The following NGEF variants were observed in gnomAD, a reference collection of about 807,000 sequenced individuals.
The protein encoded by NGEF is neuronal guanine nucleotide exchange factor.
A neutral mutation model predicts 80.9 loss-of-function variants in NGEF; 31 were observed. The ratio of observed to expected loss-of-function variants is 0.38; its 90% CI spans 0.29 to 0.52. The LOEUF is 0.52. Ranked by LOEUF, NGEF falls within the 20% of genes least tolerant of loss-of-function variation. The probability of loss-of-function intolerance (pLI) is 0.84; values close to 1 mark genes in which losing one functional copy is unlikely to be tolerated. For synonymous variants in NGEF, 371 were observed against 370.2 expected, an observed-to-expected ratio of 1.00 and a Z score of -0.03; for missense variants, 709 against 926.2, an observed-to-expected ratio of 0.77 and a Z score of 3.04.
chr2:232,897,145 G>A (rs1559197648), intron 5 of NGEF, among the ~76,000 whole-genome samples: 2 of 148,386 alleles, frequency 1.3e-5, no homozygotes, highest in Non-Finnish European at 3.0e-5. Flanking sequence ...GGAGGTGGGG[G>A]TCTGGCCCCT....
At chr2:232,977,427 G>C (rs1052759449) in intron 1 of NGEF, among the ~76,000 whole-genome samples, 3 of 152,156 alleles carry the variant, frequency 2.0e-5, no homozygotes. Context: ...GGGGGCTGAC[G>C]TCCCTGTCAC....
rs1049327711 is a variant in NGEF at position 232,878,777 on chromosome 2, G to A, written c.*712C>T. The A allele has an allele frequency of 6.6e-6, 1 of 152,648 alleles. No homozygotes were observed. The highest frequency in any genetic ancestry group is 1.5e-5 in the Non-Finnish European group (1 of 68,056). 9.5% of individuals were successfully genotyped at this position (152,648 alleles called of 1,614,324 possible). ...TTTCTCAGAACCATAATCGATACAA[G>A]ATGCAGTGACCAATTCATTCCTTAA... On this transcript the variant is annotated 3_prime_UTR_variant, in exon 15 of 15. Coordinates refer to ENST00000264051, the MANE Select transcript of NGEF (RefSeq NM_019850.3).
chr2:232,921,785 G>A (rs1254416998), intron 4 of NGEF, among the ~76,000 whole-genome samples: 1 of 152,174 alleles, frequency 6.6e-6, no homozygotes, highest in African/African-American at 2.4e-5. Context: ...GGTCCTGTCT[G>A]CATTTGACAA....
intron 1 of NGEF, among the ~76,000 whole-genome samples, chr2:232,985,323 A>T (rs778191878): frequency 6.6e-6 from 1 of 152,214 alleles, no homozygotes; most frequent in Non-Finnish European, 1.5e-5. Flanking sequence ...AACATTAAGA[A>T]TTCAGTTTAT....
At chr2:232,979,826 C>T (rs1458412706) in intron 1 of NGEF, among the ~76,000 whole-genome samples, 1 of 152,042 alleles carries the variant, frequency 6.6e-6, no homozygotes, top group African/African-American at 2.4e-5. Flanking sequence ...TTCCTGATGC[C>T]GGCCACACAA....
At chr2:232,985,354 C>A (rs1049549253) in intron 1 of NGEF, among the ~76,000 whole-genome samples, 1 of 152,164 alleles carries the variant, frequency 6.6e-6, no homozygotes, top group African/African-American at 2.4e-5. Context: ...CCATGGTTCA[C>A]ACCTGTAATC....
At chr2:232,944,906 C>T (rs1172813674) in intron 3 of NGEF, among the ~76,000 whole-genome samples, 1 of 151,678 alleles carries the variant, frequency 6.6e-6, no homozygotes, top group Non-Finnish European at 1.5e-5. Flanking sequence ...CGCCTGCCAC[C>T]ACACCGGCCT....
chr2:232,882,577 C>G (rs1251926276), intron 12 of NGEF, among the ~76,000 whole-genome samples: 1 of 152,250 alleles, frequency 6.6e-6, no homozygotes, highest in Non-Finnish European at 1.5e-5. Flanking sequence ...AGAGCACATT[C>G]CGTGGCCACA....
intron 3 of NGEF, among the ~76,000 whole-genome samples, chr2:232,938,357 T>C (rs1292966564): frequency 6.6e-6 from 1 of 152,186 alleles, no homozygotes; most frequent in Non-Finnish European, 1.5e-5. Flanking sequence ...ATAGCCTTCA[T>C]GGAAACGAAT....
At chr2:232,882,117 G>T (rs1024449722) in intron 13 of NGEF, 69 bp downstream of exon 13, 1 of 1,407,134 alleles carries the variant, frequency 7.1e-7, no homozygotes, top group Non-Finnish European at 1.0e-6. Flanking sequence ...AGGGCACACC[G>T]TGCACCTGCG....
chr2:233,009,300 T>A (rs1334120808), intron 1 of NGEF, among the ~76,000 whole-genome samples: 1 of 152,202 alleles, frequency 6.6e-6, no homozygotes, highest in Admixed American at 6.5e-5. Flanking sequence ...GCTTGGTTTA[T>A]CTCATTTGAC....
intron 5 of NGEF, among the ~76,000 whole-genome samples, chr2:232,919,817 C>T (rs994326718): frequency 1.3e-5 from 2 of 152,174 alleles, no homozygotes; most frequent in African/African-American, 4.8e-5. Context: ...GAGGGACTTC[C>T]TTCAGAGACC....
chr2:232,971,354 C>T (rs1423853844), intron 2 of NGEF, among the ~76,000 whole-genome samples: 1 of 152,102 alleles, frequency 6.6e-6, no homozygotes, highest in Non-Finnish European at 1.5e-5. Flanking sequence ...CAAAAGAATT[C>T]GCTCCAAGGA....
chr2:233,000,959 C>A (rs1694964285), intron 1 of NGEF, among the ~76,000 whole-genome samples: 1 of 152,136 alleles, frequency 6.6e-6, no homozygotes. Flanking sequence ...TTTCTCGAAA[C>A]GGCGCCGTGA....
intron 3 of NGEF, among the ~76,000 whole-genome samples, chr2:232,942,853 T>C (rs1693466368): frequency 7.1e-6 from 1 of 140,396 alleles, no homozygotes; most frequent in Non-Finnish European, 1.6e-5. Flanking sequence ...GCTCAAGTAG[T>C]ACCATTATTT....
At chr2:233,003,035 G>A (rs1004150543) in intron 1 of NGEF, among the ~76,000 whole-genome samples, 4 of 152,162 alleles carry the variant, frequency 2.6e-5, no homozygotes, top group African/African-American at 9.7e-5. Context: ...GAGGGTGCAC[G>A]CCTTTCACCA....
chr2:232,883,580 C>T, intron 11 of NGEF, 114 bp from the exon 12 acceptor site: 2 of 1,082,238 alleles, frequency 1.8e-6, no homozygotes, highest in South Asian at 3.5e-5. Flanking sequence ...GGCTGATCTT[C>T]ACCTCCTTCT....
intron 3 of NGEF, among the ~76,000 whole-genome samples, chr2:232,947,999 G>A (rs1402945968): frequency 1.3e-5 from 2 of 152,172 alleles, no homozygotes; most frequent in Non-Finnish European, 2.9e-5. Context: ...TGTAGAATGT[G>A]TAATTACAGC....
At chr2:232,880,985 A>G (rs988864558) in intron 14 of NGEF, among the ~76,000 whole-genome samples, 161 bp downstream of exon 14, 2 of 152,218 alleles carry the variant, frequency 1.3e-5, no homozygotes, top group Non-Finnish European at 2.9e-5. Flanking sequence ...AGGCCAGTGA[A>G]GCCAGCATGG....
Sources: gnomAD v4.1 joint callset for allele counts (sites outside exome capture counted in the v4.1 genomes callset) on GRCh38, gnomAD v4.1.1 for gene constraint, MANE v1.5 for transcripts, NCBI Gene and HGNC (gene_info 2026-07-23, HGNC 2026-07-21) for gene names.